MATN2: variants seen among roughly 807,000 people sequenced by gnomAD.
MATN2 encodes matrilin-2.
Under a neutral mutation model 103.2 loss-of-function variants are expected in MATN2, and 69 were observed. The observed-to-expected ratio is 0.67, with a 90% CI of 0.55 to 0.82. The LOEUF (loss-of-function observed/expected upper bound fraction) is 0.82. MATN2 is among the 40% of genes least tolerant of loss of function. MATN2 has a pLI of 0.00. For missense variants in MATN2, 1,023 were observed against 1,211.5 expected (o/e 0.84, Z 2.31); for synonymous variants, 429 against 450.2 (o/e 0.95, Z 0.60).
At chr8:97,986,505 C>T (rs1812200607) in intron 6 of MATN2, among the ~76,000 whole-genome samples, 1 of 152,192 alleles carries the variant, frequency 6.6e-6, no homozygotes, top group Non-Finnish European at 1.5e-5. Context: ...TAGCTTAGCT[C>T]CCATTTAAAA....
At chr8:97,956,329 C>T (rs1204985724) in intron 4 of MATN2, among the ~76,000 whole-genome samples, 1 of 152,162 alleles carries the variant, frequency 6.6e-6, no homozygotes, top group Non-Finnish European at 1.5e-5. Context: ...AGGCACCTGC[C>T]ACCACATCTG....
At chr8:97,882,600 G>A (rs770363877) in intron 1 of MATN2, among the ~76,000 whole-genome samples, 10 of 151,520 alleles carry the variant, frequency 6.6e-5, no homozygotes, top group Non-Finnish European at 1.3e-4. Context: ...ATGGGATTTC[G>A]CCATGTTGCC....
intron 2 of MATN2, among the ~76,000 whole-genome samples, chr8:97,895,267 G>A (rs1244902627): frequency 6.6e-6 from 1 of 152,182 alleles, no homozygotes; most frequent in Non-Finnish European, 1.5e-5. Context: ...CCTCTGTGAA[G>A]GACGGAAAGC....
At chr8:97,947,307 G>A (rs1031787671) in intron 4 of MATN2, among the ~76,000 whole-genome samples, 1 of 152,188 alleles carries the variant, frequency 6.6e-6, no homozygotes, top group Admixed American at 6.5e-5. Context: ...GGGAGGTGTA[G>A]GTTGTGAGCC....
Position 97,888,073 on chromosome 8 carries a change from A to G in MATN2, c.-26-2A>G. 2.5e-6 allele frequency: 4 copies of G among 1,604,082 alleles called. No homozygotes were observed. The highest frequency in any genetic ancestry group is 2.3e-5 in the East Asian group (1 of 43,988). On this transcript the variant is annotated splice_acceptor_variant, in intron 1 of 18. Coordinates refer to ENST00000254898, the MANE Select transcript of MATN2 (RefSeq NM_002380.5). LOFTEE classifies it low-confidence loss of function (5UTR_SPLICE). ...CCTCTTCTTGTGTTGTGTTTGTCAC[A>G]GCCTTGCCCCTCTTGCTCGCCTTGA... is the stretch of plus-strand genomic sequence containing the variant.
rs537629984 is a variant in MATN2 at position 97,939,374 on chromosome 8, A to AAAAC, written c.713-2387_713-2384dup. ...CACTTACAGAAAGCACAGAAATGAAAAAACAAACAAACAAACAAAAAAACC... is the reference window on the plus strand; with the variant it reads ...CACTTACAGAAAGCACAGAAATGAAAAAACAAACAAACAAACAAACAAAAAAACC... On this transcript the variant is annotated intron_variant, in intron 3 of 18. Transcript: ENST00000254898. Among the ~76,000 whole-genome samples the AAAAC allele has an allele frequency of 2.6e-5, 4 of 152,294 alleles. No homozygotes were observed. In the South Asian group the frequency reaches 6.2e-4, roughly 24 times the overall value.
In MATN2 at chr8:97,930,837, GTCTTGAATTCCTGACC is replaced by G; in HGVS notation, c.143-113_143-98del. On this transcript the variant is annotated intron_variant, in intron 2 of 18. Transcript: ENST00000254898. ...GGGTTTTACAGTGTTGACCAGGCTG[GTCTTGAATTCCTGACC>G]TCAGGTGATCCACCCGCCTTCCAAA... 6 of 645,460 alleles carry G rather than the reference GTCTTGAATTCCTGACC, an allele frequency of 9.3e-6. No individual in the cohort carries two copies. In the South Asian group the frequency reaches 1.2e-4, roughly 13 times the overall value. The allele number at this position is 645,460 out of a possible 1,614,324, so 40.0% of individuals were successfully genotyped here. A position where few individuals can be genotyped will look rare whatever the true frequency, so the allele number is the denominator to read the frequency against.
intron 11 of MATN2, among the ~76,000 whole-genome samples, chr8:98,017,769 G>C (rs1375842581): frequency 6.6e-6 from 1 of 152,218 alleles, no homozygotes; most frequent in Non-Finnish European, 1.5e-5. Flanking sequence ...CACTAAAGTA[G>C]TGCTGGTGAA....
At chr8:97,903,485 T>C (rs1257390820) in intron 2 of MATN2, among the ~76,000 whole-genome samples, 1 of 152,212 alleles carries the variant, frequency 6.6e-6, no homozygotes, top group African/African-American at 2.4e-5. Flanking sequence ...CTGCACATGA[T>C]AGACACTTAG....
At position 97,931,587 on chromosome 8, in the gene MATN2, T is replaced by G. The variant is rs1810200519; in HGVS notation, c.712+65T>G. ...TAGAATTCATTCATTCATCTTCAAG[T>G]GTTCATTCTGTGTTACTATGTCCCA... On this transcript the variant is annotated intron_variant, in intron 3 of 18. Transcript: ENST00000254898. This position sits in a 1 kb window ranked among gnomAD's most constrained non-coding sequence, Gnocchi z 4.1. 7.0e-6 allele frequency: 10 copies of G among 1,436,676 alleles called. No individual in the cohort carries two copies. 89.0% of individuals were successfully genotyped at this position (1,436,676 alleles called of 1,614,324 possible).
chr8:97,976,161 G>C (rs1811829740), intron 5 of MATN2, among the ~76,000 whole-genome samples: 1 of 150,406 alleles, frequency 6.6e-6, no homozygotes. Context: ...GTCTTGCTCT[G>C]TTGCCTGGGC....
intron 12 of MATN2, among the ~76,000 whole-genome samples, chr8:98,019,661 T>TG (rs1813511458): frequency 6.6e-6 from 1 of 152,134 alleles, no homozygotes; most frequent in Non-Finnish European, 1.5e-5. Flanking sequence ...CTCAGTGAGG[T>TG]GGGCATTAGG....
intron 1 of MATN2, among the ~76,000 whole-genome samples, chr8:97,873,520 C>G (rs1264314193): frequency 6.6e-6 from 1 of 151,948 alleles, no homozygotes; most frequent in Non-Finnish European, 1.5e-5. Context: ...TTAGTAGAGA[C>G]AGGGTTTCAC....
intron 14 of MATN2, among the ~76,000 whole-genome samples, chr8:98,029,114 G>A (rs1400104885): frequency 6.6e-6 from 1 of 152,198 alleles, no homozygotes; most frequent in East Asian, 1.9e-4. Flanking sequence ...CTCACAGAAA[G>A]GCTGGTTCAC....
chr8:98,017,175 GTCTC>G (rs925514015), intron 11 of MATN2, among the ~76,000 whole-genome samples: 2 of 152,218 alleles, frequency 1.3e-5, no homozygotes, highest in African/African-American at 2.4e-5. Context: ...GTCAACCTCT[GTCTC>G]TGCCATTTAT....
intron 16 of MATN2, 35 bp from the exon 17 acceptor site, chr8:98,033,007 A>G: frequency 2.5e-6 from 4 of 1,586,530 alleles, no homozygotes; most frequent in Non-Finnish European, 3.4e-6. Context: ...AAAAGCGTTA[A>G]GCAGGTTTGA....
At chr8:98,003,581 T>C in intron 7 of MATN2, 80 bp from the exon 8 acceptor site, 2 of 1,562,250 alleles carry the variant, frequency 1.3e-6, no homozygotes, top group Non-Finnish European at 1.8e-6. Flanking sequence ...CCATGGGGGC[T>C]CATGGGAGCC....
chr8:97,988,213 CACAT>C (rs1812271687), intron 6 of MATN2, among the ~76,000 whole-genome samples: 1 of 112,936 alleles, frequency 8.9e-6, no homozygotes, highest in Admixed American at 8.2e-5. Context: ...TATGTATACA[CACAT>C]ACATATATAT....
At chr8:98,004,521 C>G (rs1293321859) in intron 8 of MATN2, among the ~76,000 whole-genome samples, 2 of 152,116 alleles carry the variant, frequency 1.3e-5, no homozygotes, top group Non-Finnish European at 2.9e-5. Context: ...AACTAATAGT[C>G]GTATTATTCC....
Sources: gnomAD v4.1 joint callset for allele counts (sites outside exome capture counted in the v4.1 genomes callset) on GRCh38, gnomAD v4.1.1 for gene constraint, Gnocchi (gnomAD v3.1) non-coding constraint, MANE v1.5 for transcripts, NCBI Gene and HGNC (gene_info 2026-07-23, HGNC 2026-07-21) for gene names.